Variants in ZNF423 observed in about 807,000 individuals in gnomAD.
ZNF423 encodes the protein Ebf-associated zinc finger protein.
In ZNF423, 12 loss-of-function variants were observed where a neutral mutation model predicts 95.8. The observed-to-expected ratio is 0.13, with a 90% CI of 0.08 to 0.20. The LOEUF (loss-of-function observed/expected upper bound fraction) is 0.20. ZNF423 is among the 10% of genes least tolerant of loss of function. ZNF423 has a pLI of 1.00. For missense variants in ZNF423, 1,316 were observed against 1,737.1 expected, an observed-to-expected ratio of 0.76 and a Z score of 4.31; for synonymous variants, 749 against 711.9, an observed-to-expected ratio of 1.05 and a Z score of -0.83.
chr16:49,858,104 G>A (rs569798865), upstream of ZNF423, among the ~76,000 whole-genome samples: 16 of 152,222 alleles, frequency 1.1e-4, no homozygotes, highest in East Asian at 2.5e-3. The surrounding 1 kb of genome is among the most constrained non-coding windows in gnomAD (Gnocchi z 4.3). Flanking sequence ...GCGGCGCTGG[G>A]GGTTATCAAT....
At chr16:49,810,886 C>T (rs543201435) in intron 1 of ZNF423, among the ~76,000 whole-genome samples, 1 of 152,208 alleles carries the variant, frequency 6.6e-6, no homozygotes, top group African/African-American at 2.4e-5. Context: ...TCGGGGTGTG[C>T]AGGGCAGCGC....
chr16:49,631,381 C>T (rs1367055135), intron 4 of ZNF423, among the ~76,000 whole-genome samples: 2 of 152,086 alleles, frequency 1.3e-5, no homozygotes, highest in East Asian at 1.9e-4. Context: ...CTCCAGTCCT[C>T]ACCCCAACAT....
chr16:49,575,913 C>G (rs1156595386), intron 5 of ZNF423, among the ~76,000 whole-genome samples: 1 of 152,156 alleles, frequency 6.6e-6, no homozygotes, highest in Non-Finnish European at 1.5e-5. Context: ...GTGGTTAGAT[C>G]AGAGACTGAG....
chr16:49,752,875 C>A (rs1394933298), intron 2 of ZNF423, among the ~76,000 whole-genome samples: 1 of 152,176 alleles, frequency 6.6e-6, no homozygotes, highest in Admixed American at 6.5e-5. Context: ...CTGCTGTGTG[C>A]CAGGCAATGT....
chr16:49,794,536 T>C (rs2143855561), intron 1 of ZNF423, among the ~76,000 whole-genome samples: 1 of 152,298 alleles, frequency 6.6e-6, no homozygotes, highest in East Asian at 1.9e-4. Context: ...GCAGTGGACT[T>C]CGAGTACCCT....
At chr16:49,726,532 C>A (rs1055815632) in intron 3 of ZNF423, among the ~76,000 whole-genome samples, 1 of 152,118 alleles carries the variant, frequency 6.6e-6, no homozygotes, top group African/African-American at 2.4e-5. Flanking sequence ...GCTTGGCCAG[C>A]GCTTCACAAA....
At chr16:49,653,485 G>A (rs939878216) in intron 3 of ZNF423, among the ~76,000 whole-genome samples, 2 of 152,156 alleles carry the variant, frequency 1.3e-5, no homozygotes, top group Non-Finnish European at 2.9e-5. Flanking sequence ...ATTGGGATTA[G>A]GCATGTTTGG....
At chr16:49,781,533 G>A (rs1157837648) in intron 2 of ZNF423, among the ~76,000 whole-genome samples, 4 of 152,224 alleles carry the variant, frequency 2.6e-5, no homozygotes, top group Non-Finnish European at 4.4e-5. Flanking sequence ...AAGCGCAGGG[G>A]TGTGGGTGGA....
intron 5 of ZNF423, among the ~76,000 whole-genome samples, chr16:49,527,282 C>T (rs1362640604): frequency 2.0e-5 from 3 of 152,218 alleles, no homozygotes; most frequent in Non-Finnish European, 4.4e-5. Flanking sequence ...ATACACCCGA[C>T]AGAGACTCAA....
chr16:49,593,609 C>A (rs56806837), intron 5 of ZNF423, among the ~76,000 whole-genome samples: 5,203 of 143,548 alleles, frequency 0.036, 331 homozygotes, highest in African/African-American at 0.12. Flanking sequence ...TCTACCCTGA[C>A]TCTCTGCCTG....
chr16:49,836,165 C>A (rs2035117719), intron 1 of ZNF423, among the ~76,000 whole-genome samples: 1 of 152,232 alleles, frequency 6.6e-6, no homozygotes, highest in African/African-American at 2.4e-5. Flanking sequence ...TCGCACCTAG[C>A]AGAACAGAGG....
chr16:49,572,036 C>A (rs1041668421), intron 5 of ZNF423, among the ~76,000 whole-genome samples: 2 of 152,208 alleles, frequency 1.3e-5, no homozygotes, highest in African/African-American at 4.8e-5. Flanking sequence ...CATTCAAGGC[C>A]TTTTAACCCA....
At chr16:49,542,093 A>G (rs1466710920) in intron 5 of ZNF423, among the ~76,000 whole-genome samples, 1 of 152,218 alleles carries the variant, frequency 6.6e-6, no homozygotes, top group African/African-American at 2.4e-5. Context: ...TGGTTGGACC[A>G]GAGAGCTCCA....
chr16:49,671,481 T>C (rs1392279621), intron 3 of ZNF423, among the ~76,000 whole-genome samples: 1 of 152,128 alleles, frequency 6.6e-6, no homozygotes, highest in Non-Finnish European at 1.5e-5. Flanking sequence ...TGGGTGTGCA[T>C]GTGTGCATGC....
intron 2 of ZNF423, among the ~76,000 whole-genome samples, chr16:49,768,254 G>A (rs566313279): frequency 2.3e-4 from 35 of 152,270 alleles, no homozygotes; most frequent in East Asian, 7.7e-4. Flanking sequence ...GGCGCGGCGC[G>A]GACACCCCCG....
At chr16:49,639,288 T>A (rs1184347545) in intron 3 of ZNF423, among the ~76,000 whole-genome samples, 1 of 152,098 alleles carries the variant, frequency 6.6e-6, no homozygotes, top group African/African-American at 2.4e-5. Flanking sequence ...CACCTGGGAG[T>A]CAACTCCCCT....
chr16:49,762,444 C>G (rs1427918854), intron 2 of ZNF423, among the ~76,000 whole-genome samples: 2 of 152,180 alleles, frequency 1.3e-5, no homozygotes, highest in East Asian at 3.9e-4. Context: ...CACAAAGACC[C>G]CGAGTGAGCT....
intron 3 of ZNF423, among the ~76,000 whole-genome samples, chr16:49,680,057 G>A (rs74016915): frequency 6.6e-6 from 1 of 152,164 alleles, no homozygotes; most frequent in Non-Finnish European, 1.5e-5. Context: ...CTGGACACAA[G>A]TTAGTACAAC....
intron 6 of ZNF423, among the ~76,000 whole-genome samples, chr16:49,524,776 C>T (rs759802524): frequency 2.6e-5 from 4 of 152,210 alleles, no homozygotes; most frequent in African/African-American, 4.8e-5. Context: ...GGCTCTCCCA[C>T]GCACACCGGC....
Sources: allele counts gnomAD v4.1 joint callset (sites outside exome capture counted in the v4.1 genomes callset), GRCh38; gene constraint gnomAD v4.1.1; non-coding constraint Gnocchi (gnomAD v3.1); transcripts MANE v1.5; gene names NCBI Gene and HGNC (gene_info 2026-07-23, HGNC 2026-07-21).